MEF2C: variants seen among roughly 807,000 people sequenced by gnomAD.
MEF2C encodes the protein myocyte enhancer factor 2C.
In MEF2C, 6 loss-of-function variants were observed where a neutral mutation model predicts 50.5. That is an observed-to-expected ratio of 0.12 (90% CI 0.07 to 0.23). MEF2C has a LOEUF of 0.23. MEF2C is among the 10% of genes least tolerant of loss of function. The pLI, the probability that MEF2C is intolerant of heterozygous loss-of-function variation, is 1.00. For missense variants in MEF2C, 276 were observed against 605.0 expected (o/e 0.46, Z 5.70); for synonymous variants, 183 against 228.0 (o/e 0.80, Z 1.78).
intron 1 of MEF2C, among the ~76,000 whole-genome samples, chr5:88,850,383 A>C (rs957300649): frequency 8.5e-5 from 13 of 152,206 alleles, no homozygotes; most frequent in African/African-American, 3.1e-4. Context: ...TCTTTTGCCC[A>C]TGGTAAGAGG....
chr5:88,785,165 AC>A (rs1470038505), intron 3 of MEF2C, among the ~76,000 whole-genome samples: 1 of 151,852 alleles, frequency 6.6e-6, no homozygotes, highest in East Asian at 1.9e-4. Context: ...GACTCGTATA[AC>A]CCTATGAACT....
intron 6 of MEF2C, chr5:88,734,578 T>G (rs969557253): frequency 1.8e-4 from 165 of 932,788 alleles, no homozygotes; most frequent in East Asian, 2.3e-4. Flanking sequence ...TTTTTTTTTT[T>G]TTTTTTTTTT....
intron 1 of MEF2C, chr5:88,825,397 A>G (rs1581255460): frequency 1.3e-6 from 1 of 756,138 alleles, no homozygotes; most frequent in African/African-American, 1.9e-5. Context: ...TCTCTACTAA[A>G]CTGCAGCTCA....
chr5:88,737,045 T>C (rs1028980201), intron 6 of MEF2C: 6 of 985,134 alleles, frequency 6.1e-6, no homozygotes, highest in Non-Finnish European at 2.4e-6. Context: ...CTTTATATGT[T>C]TCAGGTGCTT....
intron 6 of MEF2C, chr5:88,744,031 CT>C: frequency 3.1e-6 from 3 of 972,676 alleles, no homozygotes; most frequent in Non-Finnish European, 2.4e-6. Context: ...TCTTTTTTCT[CT>C]TTTTTTGATC....
At chr5:88,823,599 TTAAC>T in intron 2 of MEF2C, 132 bp downstream of exon 2, 2 of 741,994 alleles carry the variant, frequency 2.7e-6, no homozygotes, top group Non-Finnish European at 4.2e-6. Context: ...TATCAGCACT[TTAAC>T]TGGTCACATT....
chr5:88,830,788 C>A (rs1490398949), intron 1 of MEF2C, among the ~76,000 whole-genome samples: 9 of 152,074 alleles, frequency 5.9e-5, no homozygotes, highest in Non-Finnish European at 1.0e-4. Flanking sequence ...TGGTAGGGCT[C>A]ACCACAAAGG....
At chr5:88,852,963 T>C (rs1198507024) in intron 1 of MEF2C, among the ~76,000 whole-genome samples, 1 of 151,402 alleles carries the variant, frequency 6.6e-6, no homozygotes, top group East Asian at 1.9e-4. Flanking sequence ...GAGGCTCATG[T>C]TGGTAATCCC....
intron 2 of MEF2C, among the ~76,000 whole-genome samples, chr5:88,805,468 C>T (rs1006153105): frequency 6.6e-6 from 1 of 152,064 alleles, no homozygotes; most frequent in African/African-American, 2.4e-5. Flanking sequence ...TTACCAAGAC[C>T]CATAATTCCT....
At chr5:88,863,479 C>T (rs1027984987) in intron 1 of MEF2C, among the ~76,000 whole-genome samples, 3 of 152,226 alleles carry the variant, frequency 2.0e-5, no homozygotes, top group African/African-American at 7.2e-5. Context: ...TGTAAGAATG[C>T]ATGGATTTGT....
intron 3 of MEF2C, among the ~76,000 whole-genome samples, chr5:88,784,749 T>C (rs773969929): frequency 3.9e-5 from 6 of 152,210 alleles, no homozygotes; most frequent in Non-Finnish European, 8.8e-5. Flanking sequence ...AAAGTATTCA[T>C]GTAAAAGGCT....
At chr5:88,890,594 G>C (rs1421191402) in intron 1 of MEF2C, among the ~76,000 whole-genome samples, 2 of 152,126 alleles carry the variant, frequency 1.3e-5, no homozygotes, top group Non-Finnish European at 2.9e-5. Flanking sequence ...CATGTCAAAC[G>C]TTTCCATCAC....
intron 3 of MEF2C, among the ~76,000 whole-genome samples, chr5:88,771,189 G>A (rs987872074): frequency 5.9e-5 from 9 of 152,212 alleles, no homozygotes; most frequent in African/African-American, 2.2e-4. Context: ...GACATGTGGG[G>A]ACTGTAACAA....
At chr5:88,750,180 G>T in intron 5 of MEF2C, 3 of 696,940 alleles carry the variant, frequency 4.3e-6, no homozygotes, top group Non-Finnish European at 5.3e-6. Flanking sequence ...GAAAATGTTT[G>T]TTTATATATA....
chr5:88,738,651 A>G (rs1049039960), intron 6 of MEF2C: 1 of 985,238 alleles, frequency 1.0e-6, no homozygotes, highest in African/African-American at 1.7e-5. Flanking sequence ...AAGCCTTTCT[A>G]TGTCGAGTCT....
chr5:88,795,976 C>A (rs1387104161), intron 3 of MEF2C, among the ~76,000 whole-genome samples: 2 of 152,106 alleles, frequency 1.3e-5, no homozygotes, highest in African/African-American at 4.8e-5. Context: ...AGCCTTGCAT[C>A]CCAGGGATGA....
chr5:88,768,711 A>AGAT, intron 3 of MEF2C: 2 of 985,108 alleles, frequency 2.0e-6, no homozygotes, highest in Non-Finnish European at 2.4e-6. Context: ...AGAGGGAGGA[A>AGAT]GATTAGTCTC....
intron 3 of MEF2C, among the ~76,000 whole-genome samples, chr5:88,795,145 T>A (rs1017082007): frequency 6.6e-6 from 1 of 152,176 alleles, no homozygotes; most frequent in African/African-American, 2.4e-5. Context: ...TGGTTCCATA[T>A]GAAATTTAAA....
At chr5:88,860,973 T>TCACTTCCC (rs1825301335) in intron 1 of MEF2C, among the ~76,000 whole-genome samples, 1 of 152,190 alleles carries the variant, frequency 6.6e-6, no homozygotes, top group Non-Finnish European at 1.5e-5. Context: ...ATAAAGTTCA[T>TCACTTCCC]CACTTCCCCT....
Sources: gnomAD v4.1 joint callset for allele counts (sites outside exome capture counted in the v4.1 genomes callset) on GRCh38, gnomAD v4.1.1 for gene constraint, MANE v1.5 for transcripts, NCBI Gene and HGNC (gene_info 2026-07-23, HGNC 2026-07-21) for gene names.